PDCD11: variants seen among roughly 807,000 people sequenced by gnomAD.
The protein encoded by PDCD11 is protein RRP5 homolog.
In PDCD11, 97 loss-of-function variants were observed where a neutral mutation model predicts 198.9. The ratio of observed to expected loss-of-function variants is 0.49; its 90% CI spans 0.41 to 0.58. The LOEUF is 0.58. Ranked by LOEUF, PDCD11 falls within the 20% of genes least tolerant of loss-of-function variation. The probability of loss-of-function intolerance (pLI) is 0.00; values close to 1 mark genes in which losing one functional copy is unlikely to be tolerated. For synonymous variants in PDCD11, 893 were observed against 918.0 expected (o/e 0.97, Z 0.49); for missense variants, 2,102 against 2,312.7 (o/e 0.91, Z 1.87).
chr10:103,436,792 C>T (rs1032427223), intron 25 of PDCD11, among the ~76,000 whole-genome samples: 1 of 152,204 alleles, frequency 6.6e-6, no homozygotes, highest in Non-Finnish European at 1.5e-5. Context: ...TATGATGCCA[C>T]GTTACCAAAG....
At chr10:103,433,883 A>G (rs1171111915) in intron 22 of PDCD11, 65 bp from the exon 23 acceptor site, 3 of 1,297,450 alleles carry the variant, frequency 2.3e-6, no homozygotes, top group Non-Finnish European at 3.4e-6. Flanking sequence ...GGTTTTAGGA[A>G]AGTTTTAATG....
chr10:103,404,894 T>A, intron 4 of PDCD11, 128 bp from the exon 5 acceptor site: 1 of 754,242 alleles, frequency 1.3e-6, no homozygotes, highest in Non-Finnish European at 2.1e-6. Flanking sequence ...GGATGGGGGG[T>A]TATTCCTCAC....
intron 8 of PDCD11, among the ~76,000 whole-genome samples, chr10:103,410,437 A>T (rs1336128869): frequency 2.0e-5 from 3 of 152,068 alleles, no homozygotes; most frequent in Non-Finnish European, 4.4e-5. Context: ...TATTTAACAT[A>T]GGAGAATAAG....
intron 20 of PDCD11, among the ~76,000 whole-genome samples, chr10:103,426,730 G>A (rs2031709554): frequency 6.6e-6 from 1 of 151,536 alleles, no homozygotes; most frequent in Admixed American, 6.6e-5. Flanking sequence ...AGGTTGCAGT[G>A]AGCTGAGATT....
In PDCD11 at chr10:103,423,530, T is replaced by C; in HGVS notation, c.2648-13T>C. The stretch of plus-strand genomic sequence containing the variant: ...TTCCAGAAGGATAATCACACTGTGG[T>C]TCTGCACTGCAGGGCAGGAGGTGGA... On this transcript the variant is annotated splice_polypyrimidine_tract_variant and intron_variant, in intron 18 of 35. Transcript: ENST00000369797. 6.4e-7 allele frequency: 1 copy of C among 1,570,358 alleles called. No individual in the cohort carries two copies. The highest frequency in any genetic ancestry group is 8.8e-7 in the Non-Finnish European group (1 of 1,140,204).
chr10:103,438,806 T>C lies in PDCD11; in HGVS notation c.4023T>C (p.Phe1341=). 1 of 1,613,868 alleles carries C rather than the reference T, an allele frequency of 6.2e-7. No homozygotes were observed. The highest frequency in any genetic ancestry group is 8.5e-7 in the Non-Finnish European group (1 of 1,179,998). Residue 1341 remains phenylalanine (F), a splice_region_variant and synonymous_variant, in exon 27 of 36, where the codon TTT becomes TTC. Coordinates refer to ENST00000369797, the MANE Select transcript of PDCD11 (RefSeq NM_014976.2). The part of the protein sequence containing the change: ...VGSIQPHGVF[F]RLGPSVVGLA... ...CCATCCAGCCACACGGTGTGTTCTT[T>C]CGGTGAGTGAGGGGGGCTCTGCACC...
Position 103,440,720 on chromosome 10 carries a change from A to T in PDCD11, c.4441-14A>T, listed in dbSNP as rs2032348133. The T allele has an allele frequency of 6.2e-7, 1 of 1,613,916 alleles. No homozygotes were observed. Among genetic ancestry groups the T allele is most frequent in the South Asian group, 1.1e-5 (1 of 91,084 alleles). ...GGAGGATGCTCCTAGGCATTCTCCC[A>T]CCTGGCCTCTCAGGAAAGAGTGAGC... is the stretch of plus-strand genomic sequence containing the variant. On this transcript the variant is annotated splice_polypyrimidine_tract_variant and intron_variant, in intron 29 of 35. Coordinates refer to ENST00000369797, the MANE Select transcript of PDCD11 (RefSeq NM_014976.2).
At chr10:103,403,308 C>A in intron 4 of PDCD11, 23 bp downstream of exon 4, 3 of 1,596,966 alleles carry the variant, frequency 1.9e-6, no homozygotes, top group Non-Finnish European at 2.6e-6. Flanking sequence ...CGAATGAAGC[C>A]TGTTATTGAA....
Position 103,440,813 on chromosome 10 carries a change from G to A in PDCD11, c.4520G>A (p.Gly1507Glu). Residue 1507 changes from glycine (G) to glutamate (E), a missense_variant, in exon 30 of 36, where the codon GGA (glycine) becomes GAA (glutamate). Gly to Glu is a moderately conservative substitution (Grantham distance 98). Coordinates refer to ENST00000369797, the MANE Select transcript of PDCD11 (RefSeq NM_014976.2). ...DSLVDVYYRE[G>E]KEEAEETNVL... Reference sequence around the variant, plus strand: ...CTTGTGGACGTGTACTATCGGGAGGGAAAAGAGGAGGCAGAAGAGACGAAT... The same window carrying A: ...CTTGTGGACGTGTACTATCGGGAGGAAAAAGAGGAGGCAGAAGAGACGAAT... The A allele has an allele frequency of 6.2e-7, 1 of 1,613,858 alleles. No individual in the cohort carries two copies. The highest frequency in any genetic ancestry group is 1.1e-5 in the South Asian group (1 of 91,048).
At chr10:103,442,589 G>A in intron 32 of PDCD11, 129 bp downstream of exon 32, 1 of 928,854 alleles carries the variant, frequency 1.1e-6, no homozygotes, top group Non-Finnish European at 1.6e-6. Flanking sequence ...GGGCCCATGG[G>A]TCCTCAGGCT....
intron 7 of PDCD11, among the ~76,000 whole-genome samples, chr10:103,407,060 G>A (rs901697325): frequency 1.3e-5 from 2 of 152,190 alleles, no homozygotes; most frequent in Non-Finnish European, 2.9e-5. Context: ...GACTGACATT[G>A]TATTTCTGTT....
intron 6 of PDCD11, 77 bp from the exon 7 acceptor site, chr10:103,406,532 G>C (rs1564758009): frequency 7.5e-7 from 1 of 1,338,874 alleles, no homozygotes; most frequent in Non-Finnish European, 1.0e-6. Flanking sequence ...GGTCTTTTCA[G>C]GTATTACTTG....
In PDCD11 at chr10:103,444,346, C is replaced by A. The variant is rs2032511059; in HGVS notation, c.5279-171C>A. ...AGAGTGGTGTGTCTGCAGTGCCCAT[C>A]TGTGTATTTGGCCCCAAACCCACCC... On this transcript the variant is annotated intron_variant, in intron 34 of 35. Coordinates refer to ENST00000369797, the MANE Select transcript of PDCD11 (RefSeq NM_014976.2). The A allele has an allele frequency of 1.2e-5, 8 of 660,766 alleles. No individual in the cohort carries two copies. In the South Asian group the frequency reaches 1.3e-4, roughly 11 times the overall value. The allele number at this position is 660,766 out of a possible 1,614,324, so 40.9% of individuals were successfully genotyped here.
intron 13 of PDCD11, among the ~76,000 whole-genome samples, chr10:103,417,109 C>T (rs753501621): frequency 1.2e-4 from 18 of 152,076 alleles, no homozygotes; most frequent in Admixed American, 2.0e-4. Flanking sequence ...TTCCTTTAAA[C>T]GACTTTAAAC....
intron 13 of PDCD11, 131 bp downstream of exon 13, chr10:103,416,873 C>T (rs1210936388): frequency 1.5e-5 from 15 of 1,018,684 alleles, no homozygotes; most frequent in African/African-American, 3.2e-5. Flanking sequence ...GGGTGTGAGC[C>T]GGCTAAATGG....
rs766594801 is a variant in PDCD11 at position 103,403,172 on chromosome 10, G to C, written c.289G>C (p.Glu97Gln). Residue 97 changes from glutamate (E) to glutamine (Q), a missense_variant, in exon 4 of 36, where the codon GAA becomes CAA. By Grantham distance (29) the Glu-to-Gln change is conservative (BLOSUM62 2). Transcript: ENST00000369797. ...TTGCGTGAAAGAGGTGAATGAACTG[G>C]AACTGGTGATTAGTCTCCCCAATGG... ...LGCVKEVNEL[E>Q]LVISLPNGLQ... 3 of 1,614,130 alleles carry C rather than the reference G, an allele frequency of 1.9e-6. No individual in the cohort carries two copies. Among genetic ancestry groups the C allele is most frequent in the Non-Finnish European group, 2.5e-6 (3 of 1,180,006 alleles).
chr10:103,421,595 G>C, intron 17 of PDCD11, 28 bp downstream of exon 17: 7 of 1,503,038 alleles, frequency 4.7e-6, no homozygotes, highest in Non-Finnish European at 6.3e-6. Context: ...CAGGGGAGGT[G>C]GGCCAGGGGT....
intron 25 of PDCD11, among the ~76,000 whole-genome samples, chr10:103,436,038 T>C (rs1215832226): frequency 6.6e-6 from 1 of 151,800 alleles, no homozygotes; most frequent in Non-Finnish European, 1.5e-5. Context: ...TTCTTTTTTT[T>C]TTTTTTTGAG....
intron 4 of PDCD11, 106 bp from the exon 5 acceptor site, chr10:103,404,916 G>T: frequency 9.7e-7 from 1 of 1,031,140 alleles, no homozygotes; most frequent in South Asian, 1.6e-5. Context: ...CACCTTTTGG[G>T]TTCTCTGGGG....
Sources: allele counts gnomAD v4.1 joint callset (sites outside exome capture counted in the v4.1 genomes callset), GRCh38; gene constraint gnomAD v4.1.1; transcripts MANE v1.5; gene names NCBI Gene and HGNC (gene_info 2026-07-23, HGNC 2026-07-21).